Variants in PRSS23 observed in about 807,000 individuals in gnomAD.
The protein encoded by PRSS23 is serine protease 23, also known as protease, serine 23.
A neutral mutation model predicts 34.7 loss-of-function variants in PRSS23; 25 were observed. The observed-to-expected ratio is 0.72, with a 90% CI of 0.53 to 1.01. The LOEUF is 1.01. Among genes scored for constraint, PRSS23 ranks in the 50% least tolerant of loss-of-function variants. PRSS23 has a pLI of 0.00. For missense variants in PRSS23, 445 were observed against 475.6 expected, an observed-to-expected ratio of 0.94 and a Z score of 0.60; for synonymous variants, 176 against 186.6, an observed-to-expected ratio of 0.94 and a Z score of 0.46.
At chr11:86,875,660 C>A (rs372390715) in intron 2 of PRSS23, among the ~76,000 whole-genome samples, 114 of 152,320 alleles carry the variant, frequency 7.5e-4, no homozygotes, top group Admixed American at 1.2e-3. Context: ...ATTTAAGCAA[C>A]TGCGTAATAT....
At chr11:86,821,620 C>G in intron 1 of PRSS23, 2 of 1,599,366 alleles carry the variant, frequency 1.3e-6, no homozygotes, top group Non-Finnish European at 8.5e-7. Context: ...GTTCATACTT[C>G]CATAACTTTC....
At chr11:86,889,757 C>T (rs1948828822) in intron 2 of PRSS23, among the ~76,000 whole-genome samples, 1 of 152,226 alleles carries the variant, frequency 6.6e-6, no homozygotes, top group African/African-American at 2.4e-5. Flanking sequence ...TCAGCTTCAC[C>T]TGTCACTCCG....
At chr11:86,818,526 G>T (rs540954715) in intron 1 of PRSS23, among the ~76,000 whole-genome samples, 50 of 152,124 alleles carry the variant, frequency 3.3e-4, no homozygotes, top group Non-Finnish European at 6.2e-4. Flanking sequence ...TCAAAATTTT[G>T]AAATATCACC....
exon 3 of PRSS23, chr11:86,951,842 A>G: frequency 6.2e-7 from 1 of 1,613,766 alleles, no homozygotes; most frequent in Non-Finnish European, 8.5e-7. Flanking sequence ...CAGCAAGAAA[A>G]TTATTGCACA....
At chr11:86,825,693 A>C (rs1948294513) in intron 2 of PRSS23, among the ~76,000 whole-genome samples, 3 of 152,114 alleles carry the variant, frequency 2.0e-5, no homozygotes, top group South Asian at 2.1e-4. Context: ...TCAGCTTTCT[A>C]CATATGACTA....
Position 86,805,862 on chromosome 11 carries a change from T to C in PRSS23, c.-13-1769T>C, listed in dbSNP as rs375687077. On this transcript the variant is annotated intron_variant, in intron 1 of 1. Transcript: ENST00000280258. ...TCTGTACTTTCAAACAGGAAGAGAA[T>C]GAGAATAACAAAACAGTTTCTTCCT... Among the ~76,000 whole-genome samples, 89 of 152,346 alleles carry C rather than the reference T, an allele frequency of 5.8e-4. 3 individuals carry two copies. In the South Asian group the frequency reaches 0.018, roughly 31 times the overall value.
chr11:86,878,821 C>G (rs1370230492), intron 2 of PRSS23, among the ~76,000 whole-genome samples: 1 of 151,566 alleles, frequency 6.6e-6, no homozygotes, highest in Non-Finnish European at 1.5e-5. Flanking sequence ...AAGTGAGGAG[C>G]GCCTCTTCCC....
chr11:86,803,780 A>T (rs866919798), intron 1 of PRSS23, among the ~76,000 whole-genome samples: 65 of 152,198 alleles, frequency 4.3e-4, no homozygotes, highest in African/African-American at 1.4e-3. Flanking sequence ...TGACCTAAGG[A>T]TTAGGTTTTC....
chr11:86,803,295 T>C lies in PRSS23; in HGVS notation c.-14+2644T>C, dbSNP rs1948061742. ...AGGCAGCTCTGCAAGGATAAGGTGATTCATTTATAAGGGTGAGAGAGAATT... is the reference window on the plus strand; with the variant it reads ...AGGCAGCTCTGCAAGGATAAGGTGACTCATTTATAAGGGTGAGAGAGAATT... On this transcript the variant is annotated intron_variant, in intron 1 of 1. Transcript: ENST00000280258. 2.0e-5 allele frequency among the ~76,000 whole-genome samples: 3 copies of C among 152,218 alleles called. No homozygotes were observed. The South Asian group carries it at 6.2e-4, about 32-fold the overall frequency.
intron 2 of PRSS23, among the ~76,000 whole-genome samples, chr11:86,866,945 C>T (rs1442091458): frequency 6.6e-6 from 1 of 152,220 alleles, no homozygotes; most frequent in Non-Finnish European, 1.5e-5. Flanking sequence ...ACTTTCCAGC[C>T]ATCAGAATCA....
At chr11:86,857,662 A>T in intron 2 of PRSS23, 4 of 543,944 alleles carry the variant, frequency 7.4e-6, no homozygotes, top group South Asian at 5.7e-5. Context: ...GTCATAGGCC[A>T]TCAGAGTCAG....
chr11:86,942,729 A>G (rs906920948), intron 2 of PRSS23, among the ~76,000 whole-genome samples: 2 of 152,234 alleles, frequency 1.3e-5, no homozygotes, highest in African/African-American at 4.8e-5. Context: ...ACTGAAGGAA[A>G]AAAACAGGGT....
intron 2 of PRSS23, among the ~76,000 whole-genome samples, chr11:86,858,372 A>C (rs1264796069): frequency 6.6e-6 from 1 of 151,938 alleles, no homozygotes; most frequent in Non-Finnish European, 1.5e-5. Flanking sequence ...TGTCCCTAAT[A>C]TCCAGGGAGG....
intron 2 of PRSS23, among the ~76,000 whole-genome samples, chr11:86,827,965 A>G (rs1948316923): frequency 6.6e-6 from 1 of 152,158 alleles, no homozygotes; most frequent in South Asian, 2.1e-4. Context: ...AAAAATGTAT[A>G]TTCTGTTGAT....
intron 1 of PRSS23, 94 bp downstream of exon 1, chr11:86,800,745 G>A: frequency 1.4e-6 from 1 of 722,620 alleles, no homozygotes; most frequent in African/African-American, 1.9e-5. Context: ...GCGCGGGGTA[G>A]GGTAACTGCG....
At chr11:86,826,780 T>C (rs1236906109) in intron 2 of PRSS23, among the ~76,000 whole-genome samples, 1 of 152,258 alleles carries the variant, frequency 6.6e-6, no homozygotes, top group African/African-American at 2.4e-5. Flanking sequence ...GTTCTGTTTA[T>C]ATGCTGGATT....
intron 2 of PRSS23, among the ~76,000 whole-genome samples, chr11:86,873,471 C>T (rs548165917): frequency 3.3e-5 from 5 of 151,622 alleles, no homozygotes; most frequent in African/African-American, 7.3e-5. Flanking sequence ...TTAGTAGAGT[C>T]GGGGTTTTCC....
exon 3 of PRSS23, chr11:86,952,578 A>G (rs1949304054): frequency 2.5e-6 from 3 of 1,220,280 alleles, no homozygotes; most frequent in Non-Finnish European, 3.6e-6. Context: ...CTAGGTATCT[A>G]CTTTTAAACC....
At chr11:86,944,604 GA>G (rs1483638352) in intron 2 of PRSS23, among the ~76,000 whole-genome samples, 1 of 152,138 alleles carries the variant, frequency 6.6e-6, no homozygotes, top group African/African-American at 2.4e-5. Context: ...ACTGACTTCA[GA>G]AATGCCAGGA....
Sources: allele counts gnomAD v4.1 joint callset (sites outside exome capture counted in the v4.1 genomes callset), GRCh38; gene constraint gnomAD v4.1.1; transcripts MANE v1.5; gene names NCBI Gene and HGNC (gene_info 2026-07-23, HGNC 2026-07-21).